Variants in GALNT13 observed in about 807,000 individuals in gnomAD.
GALNT13 encodes the protein polypeptide N-acetylgalactosaminyltransferase 13.
GALNT13 carries 28 observed loss-of-function variants against 64.2 expected under a neutral mutation model. The ratio of observed to expected loss-of-function variants is 0.44; its 90% CI spans 0.32 to 0.60. GALNT13 has a LOEUF of 0.60. Among genes scored for constraint, GALNT13 ranks in the 20% least tolerant of loss-of-function variants. The pLI is 0.05. For synonymous variants in GALNT13, 214 were observed against 224.6 expected (o/e 0.95, Z 0.42); for missense variants, 577 against 669.8 (o/e 0.86, Z 1.53).
the GALNT13 span, among the ~76,000 whole-genome samples, chr2:153,598,108 T>C: frequency 6.6e-6 from 1 of 152,132 alleles, no homozygotes; most frequent in African/African-American, 2.4e-5. Context: ...TGTGTGTATG[T>C]AAACCCAAAA....
chr2:154,314,354 T>G (rs1251611902), intron 9 of GALNT13, among the ~76,000 whole-genome samples: 3 of 152,206 alleles, frequency 2.0e-5, no homozygotes, highest in African/African-American at 7.2e-5. Context: ...GGTTACACAT[T>G]GCAGATTTCT....
chr2:153,822,750 A>G, the GALNT13 span, among the ~76,000 whole-genome samples: 1 of 152,146 alleles, frequency 6.6e-6, no homozygotes, highest in South Asian at 2.1e-4. Context: ...CTCCTGTCCA[A>G]CATCATACTG....
chr2:154,351,500 G>A (rs1261985805), intron 9 of GALNT13, among the ~76,000 whole-genome samples: 4 of 151,602 alleles, frequency 2.6e-5, no homozygotes, highest in Admixed American at 2.0e-4. Context: ...TGGCTAACAC[G>A]GTGAAACCCC....
the GALNT13 span, among the ~76,000 whole-genome samples, chr2:153,749,946 A>G: frequency 1.3e-5 from 2 of 151,880 alleles, no homozygotes; most frequent in Non-Finnish European, 2.9e-5. Flanking sequence ...CCCATTTAGT[A>G]TGATACTAGC....
chr2:153,633,077 T>C, the GALNT13 span, among the ~76,000 whole-genome samples: 5 of 152,124 alleles, frequency 3.3e-5, no homozygotes, highest in Admixed American at 3.3e-4. Flanking sequence ...ATTTTTATAT[T>C]AATAAATAAT....
the GALNT13 span, among the ~76,000 whole-genome samples, chr2:153,524,711 T>C: frequency 6.6e-6 from 1 of 152,176 alleles, no homozygotes; most frequent in African/African-American, 2.4e-5. Context: ...GCTCTAGCTA[T>C]AGGGGAATTG....
the GALNT13 span, among the ~76,000 whole-genome samples, chr2:153,835,397 G>A: frequency 1.3e-5 from 2 of 151,896 alleles, no homozygotes; most frequent in Admixed American, 6.6e-5. Context: ...TATAATATTT[G>A]TTACCTGTCA....
intron 4 of GALNT13, among the ~76,000 whole-genome samples, chr2:154,240,895 A>G (rs1689448340): frequency 6.6e-6 from 1 of 152,020 alleles, no homozygotes; most frequent in African/African-American, 2.4e-5. Context: ...CAGAAAGGAG[A>G]TGGAGTGGGA....
At chr2:153,575,731 G>GA in the GALNT13 span, among the ~76,000 whole-genome samples, 3 of 151,748 alleles carry the variant, frequency 2.0e-5, no homozygotes, top group Non-Finnish European at 2.9e-5. Flanking sequence ...TAGCACCTGG[G>GA]ACTCACCCTT....
At chr2:154,339,946 A>G (rs1198242576) in intron 9 of GALNT13, among the ~76,000 whole-genome samples, 1 of 152,130 alleles carries the variant, frequency 6.6e-6, no homozygotes, top group Non-Finnish European at 1.5e-5. Flanking sequence ...TTGTAAATAT[A>G]TATTTTATGT....
chr2:153,786,982 G>T, the GALNT13 span, among the ~76,000 whole-genome samples: 1 of 152,078 alleles, frequency 6.6e-6, no homozygotes, highest in East Asian at 1.9e-4. Context: ...GGCTAATCAC[G>T]CTGAGTGGTT....
At chr2:153,338,099 T>C in the GALNT13 span, among the ~76,000 whole-genome samples, 55 of 152,082 alleles carry the variant, frequency 3.6e-4, no homozygotes, top group African/African-American at 1.3e-3. Flanking sequence ...AAGACCACCC[T>C]GGGCAATTTA....
chr2:153,224,510 GAGA>G, the GALNT13 span, among the ~76,000 whole-genome samples: 7 of 151,996 alleles, frequency 4.6e-5, no homozygotes, highest in African/African-American at 1.2e-4. Flanking sequence ...TTTAAAATTG[GAGA>G]AGATGTCAAC....
At chr2:153,636,158 C>T in the GALNT13 span, among the ~76,000 whole-genome samples, 8 of 152,086 alleles carry the variant, frequency 5.3e-5, no homozygotes, top group African/African-American at 1.9e-4. Context: ...ATGCTAACTA[C>T]ATACCCACTT....
chr2:154,407,983 T>C (rs946455177), intron 10 of GALNT13, among the ~76,000 whole-genome samples: 1 of 152,136 alleles, frequency 6.6e-6, no homozygotes, highest in African/African-American at 2.4e-5. Context: ...TGAGGAAACA[T>C]GTACTCAGAG....
the GALNT13 span, among the ~76,000 whole-genome samples, chr2:153,735,993 A>G: frequency 6.6e-6 from 1 of 152,214 alleles, no homozygotes; most frequent in Non-Finnish European, 1.5e-5. Flanking sequence ...GTGAAAGGGT[A>G]CTTTGAAACT....
At chr2:153,670,534 C>A in the GALNT13 span, among the ~76,000 whole-genome samples, 4 of 152,178 alleles carry the variant, frequency 2.6e-5, no homozygotes, top group African/African-American at 4.8e-5. Context: ...TACACCAAAA[C>A]CCTATCCATA....
the GALNT13 span, among the ~76,000 whole-genome samples, chr2:153,521,357 C>T: frequency 0.12 from 18,539 of 152,006 alleles, 1,207 homozygotes; most frequent in African/African-American, 0.17. Context: ...TGTCCAAAAA[C>T]ATAAACTACA....
intron 1 of GALNT13, among the ~76,000 whole-genome samples, chr2:153,884,171 C>T (rs1473282667): frequency 6.6e-6 from 1 of 151,784 alleles, no homozygotes; most frequent in East Asian, 1.9e-4. Flanking sequence ...ATAATGACTA[C>T]ATTAGGAGGA....
Sources: allele counts gnomAD v4.1 joint callset (sites outside exome capture counted in the v4.1 genomes callset), GRCh38; gene constraint gnomAD v4.1.1; transcripts MANE v1.5; gene names NCBI Gene and HGNC (gene_info 2026-07-23, HGNC 2026-07-21).